The following FBXW11 variants were observed in gnomAD, a reference collection of about 807,000 sequenced individuals.
FBXW11 encodes the protein F-box and WD repeat domain containing 11.
FBXW11 carries 19 observed loss-of-function variants against 77.6 expected under a neutral mutation model. The ratio of observed to expected loss-of-function variants is 0.24; its 90% CI spans 0.17 to 0.36. The LOEUF is 0.36. Ranked by LOEUF, FBXW11 falls within the 10% of genes least tolerant of loss-of-function variation. FBXW11 has a pLI of 1.00. For synonymous variants in FBXW11, 235 were observed against 249.4 expected, an observed-to-expected ratio of 0.94 and a Z score of 0.54; for missense variants, 334 against 704.2, an observed-to-expected ratio of 0.47 and a Z score of 5.95.
intron 5 of FBXW11, 46 bp downstream of exon 5, chr5:171,899,868 A>C: frequency 6.7e-7 from 1 of 1,482,250 alleles, no homozygotes; most frequent in Non-Finnish European, 9.1e-7. Context: ...AGCTGACTCT[A>C]TGTCAATAAA....
At chr5:171,923,997 C>T (rs1339160612) in intron 2 of FBXW11, among the ~76,000 whole-genome samples, 4 of 133,986 alleles carry the variant, frequency 3.0e-5, no homozygotes, top group South Asian at 2.6e-4. Context: ...ACGATCTCAG[C>T]TCACTGCAAC....
chr5:171,927,711 T>A (rs1438907058), intron 2 of FBXW11, among the ~76,000 whole-genome samples: 5 of 152,198 alleles, frequency 3.3e-5, no homozygotes, highest in African/African-American at 1.2e-4. Context: ...AGGGCTACAG[T>A]TCACTTCATC....
chr5:171,993,101 G>A (rs72835287), intron 1 of FBXW11, among the ~76,000 whole-genome samples: 7 of 151,332 alleles, frequency 4.6e-5, no homozygotes, highest in South Asian at 2.1e-4. Flanking sequence ...AGAGGTGAAC[G>A]AAGAGGCTTT....
intron 7 of FBXW11, among the ~76,000 whole-genome samples, chr5:171,886,024 A>G (rs961474025): frequency 1.3e-5 from 2 of 152,244 alleles, no homozygotes; most frequent in African/African-American, 4.8e-5. Context: ...ATGTGCCACA[A>G]TTAAGAGAAT....
In FBXW11 at chr5:171,905,612, G is replaced by A. The variant is rs117912437; in HGVS notation, c.436+4960C>T. ...TAACCCCCCCCCCTTTATTTTCTTG[G>A]TATAAGTCTCATGGCCCCTTAAATG... is the stretch of plus-strand genomic sequence containing the variant. On this transcript the variant is annotated intron_variant, in intron 4 of 13. Coordinates refer to ENST00000517395, the MANE Select transcript of FBXW11 (RefSeq NM_001378974.1). 5.0e-3 allele frequency among the ~76,000 whole-genome samples: 634 copies of A among 127,166 alleles called. 21 individuals carry two copies. In the East Asian group the frequency reaches 0.099, roughly 20 times the overall value. The allele number at this position is 127,166 out of a possible 152,430, so 83.4% of individuals were successfully genotyped here. A position where few individuals can be genotyped will look rare whatever the true frequency, so the allele number is the denominator to read the frequency against.
Position 171,876,085 on chromosome 5 carries a change from C to G in FBXW11, c.1221+200G>C, listed in dbSNP as rs148775470. ...TCATGTCATGAAACAGAAGACTGTTCTCTCTTCTGGACCGATGGCTTTTCC... is the reference window on the plus strand; with the variant it reads ...TCATGTCATGAAACAGAAGACTGTTGTCTCTTCTGGACCGATGGCTTTTCC... On this transcript the variant is annotated intron_variant, in intron 9 of 13. Coordinates refer to ENST00000517395, the MANE Select transcript of FBXW11 (RefSeq NM_001378974.1). This position sits in a 1 kb window ranked among gnomAD's most constrained non-coding sequence, Gnocchi z 4.2. 5.3e-5 allele frequency among the ~76,000 whole-genome samples: 8 copies of G among 152,334 alleles called. No individual in the cohort carries two copies. The highest frequency in any genetic ancestry group is 2.0e-4 in the Admixed American group (3 of 15,306).
In FBXW11 at chr5:171,914,384, G is replaced by T; in HGVS notation, c.169C>A (p.Gln57Lys). Residue 57 changes from glutamine (Q) to lysine (K), a missense_variant, in exon 3 of 14, where the codon CAA (glutamine) becomes AAA (lysine). Transcript: ENST00000517395. ...CLQNTSVMED[Q>K]NEDESPKKNT... ...TTCTTTGGGGACTCATCTTCATTTT[G>T]ATCTTCCATAACTGAAGTGTTCTAG... The T allele has an allele frequency of 6.2e-7, 1 of 1,604,496 alleles. No individual in the cohort carries two copies. The highest frequency in any genetic ancestry group is 8.5e-7 in the Non-Finnish European group (1 of 1,176,444).
intron 1 of FBXW11, chr5:172,003,286 G>C (rs1232495226): frequency 6.6e-6 from 1 of 152,150 alleles, no homozygotes; most frequent in Non-Finnish European, 1.5e-5. Context: ...AGAAGCTCTT[G>C]TGAGTGCTTT....
In FBXW11 at chr5:171,993,456, T is replaced by C. The variant is rs536065408; in HGVS notation, c.45+13002A>G. On this transcript the variant is annotated intron_variant, in intron 1 of 13. Coordinates refer to ENST00000517395, the MANE Select transcript of FBXW11 (RefSeq NM_001378974.1). Reference sequence around the variant, plus strand: ...GGTAAAACCCCCTCTCTACTAAAAATACAAAAATCAGCTGGGTGTGGTGAT... The same window carrying C: ...GGTAAAACCCCCTCTCTACTAAAAACACAAAAATCAGCTGGGTGTGGTGAT... Among the ~76,000 whole-genome samples, 7 of 151,718 alleles carry C rather than the reference T, an allele frequency of 4.6e-5. No individual in the cohort carries two copies. In the East Asian group the frequency reaches 1.4e-3, roughly 30 times the overall value.
chr5:171,948,408 T>C (rs1473259920), intron 2 of FBXW11, among the ~76,000 whole-genome samples: 1 of 151,486 alleles, frequency 6.6e-6, no homozygotes, highest in Non-Finnish European at 1.5e-5. Context: ...TTCTTCTTCA[T>C]GCTTGTCCAC....
intron 1 of FBXW11, among the ~76,000 whole-genome samples, chr5:171,999,400 A>T (rs527756331): frequency 4.1e-3 from 574 of 141,532 alleles, no homozygotes; most frequent in Middle Eastern, 0.01. Context: ...AAAAAAAAAA[A>T]ATATATATAT....
chr5:171,883,536 T>A (rs1010083512), intron 7 of FBXW11, among the ~76,000 whole-genome samples: 4 of 152,112 alleles, frequency 2.6e-5, no homozygotes, highest in Non-Finnish European at 4.4e-5. Context: ...ATAAAAAAAA[T>A]AAAAGAAAAA....
rs1365456113 is a variant in FBXW11, at chr5:171,865,919, AT to A, written c.*26-1819del. 7.9e-5 allele frequency among the ~76,000 whole-genome samples: 12 copies of A among 152,320 alleles called. No individual in the cohort carries two copies. In the East Asian group the frequency reaches 1.7e-3, roughly 22 times the overall value. ...ATTAGGGTAGTGTTTCTTATTATGC[AT>A]AAATCTTATGGTATCACATGGCTAT... On this transcript the variant is annotated intron_variant, in intron 13 of 13. Coordinates refer to ENST00000517395, the MANE Select transcript of FBXW11 (RefSeq NM_001378974.1).
At chr5:171,949,484 T>C (rs962142945) in intron 2 of FBXW11, among the ~76,000 whole-genome samples, 1 of 152,158 alleles carries the variant, frequency 6.6e-6, no homozygotes, top group African/African-American at 2.4e-5. Flanking sequence ...GGAACAAGTA[T>C]AGCCACACAA....
chr5:171,984,975 T>C (rs983734406), intron 1 of FBXW11, among the ~76,000 whole-genome samples: 1 of 152,196 alleles, frequency 6.6e-6, no homozygotes, highest in Non-Finnish European at 1.5e-5. Flanking sequence ...TTTCAGACAC[T>C]GATTTATGAA....
chr5:171,877,572 G>T (rs912594291), intron 8 of FBXW11, among the ~76,000 whole-genome samples: 1 of 152,102 alleles, frequency 6.6e-6, no homozygotes, highest in Non-Finnish European at 1.5e-5. Context: ...AGGCCTCTGA[G>T]GCTGAGACAT....
intron 2 of FBXW11, among the ~76,000 whole-genome samples, chr5:171,930,714 G>T (rs1420171277): frequency 1.1e-5 from 1 of 91,678 alleles, no homozygotes; most frequent in East Asian, 3.0e-4. Flanking sequence ...ACCCAAGAAT[G>T]ATCAATAAAA....
chr5:171,933,026 GA>G (rs1762297141), intron 2 of FBXW11, among the ~76,000 whole-genome samples: 1 of 148,512 alleles, frequency 6.7e-6, no homozygotes, highest in African/African-American at 2.5e-5. Flanking sequence ...AGCTACTTGT[GA>G]GGCTGAGGTG....
intron 1 of FBXW11, among the ~76,000 whole-genome samples, chr5:171,983,504 C>A (rs1404896242): frequency 1.3e-5 from 2 of 151,984 alleles, no homozygotes; most frequent in African/African-American, 4.8e-5. Flanking sequence ...GGTAGGGGGG[C>A]AATCTCGGGG....
Sources: gnomAD v4.1 joint callset for allele counts (sites outside exome capture counted in the v4.1 genomes callset) on GRCh38, gnomAD v4.1.1 for gene constraint, Gnocchi (gnomAD v3.1) non-coding constraint, MANE v1.5 for transcripts, NCBI Gene and HGNC (gene_info 2026-07-23, HGNC 2026-07-21) for gene names.